DNAH7: variants seen among roughly 807,000 people sequenced by gnomAD.
The protein encoded by DNAH7 is dynein axonemal heavy chain 7.
In DNAH7, 397 loss-of-function variants were observed where a neutral mutation model predicts 444.6. The observed-to-expected ratio is 0.89, with a 90% CI of 0.82 to 0.97. The LOEUF (loss-of-function observed/expected upper bound fraction) is 0.97, where lower values mean the gene tolerates loss of function less well. Ranked by LOEUF, DNAH7 falls within the 50% of genes least tolerant of loss-of-function variation. The pLI is 0.00. For missense variants in DNAH7, 4,902 were observed against 4,800.8 expected, an observed-to-expected ratio of 1.02 and a Z score of -0.62; for synonymous variants, 1,636 against 1,624.4, an observed-to-expected ratio of 1.01 and a Z score of -0.17.
chr2:195,776,745 ACTT>A (rs1439306393), intron 59 of DNAH7, among the ~76,000 whole-genome samples: 1 of 152,194 alleles, frequency 6.6e-6, no homozygotes, highest in Non-Finnish European at 1.5e-5. Context: ...TTAACATTAT[ACTT>A]CTTTTTATGC....
chr2:195,872,608 T>G (rs185117699), intron 39 of DNAH7, 139 bp from the exon 40 acceptor site: 1 of 474,354 alleles, frequency 2.1e-6, no homozygotes, highest in African/African-American at 2.0e-5. Context: ...CCATATCTTA[T>G]TATAATAATA....
intron 63 of DNAH7, among the ~76,000 whole-genome samples, chr2:195,750,450 T>C (rs1395514958): frequency 6.6e-6 from 1 of 152,188 alleles, no homozygotes; most frequent in Non-Finnish European, 1.5e-5. Context: ...CCTCTGCGTA[T>C]TATAATAATA....
At chr2:195,874,393 A>G (rs1481590439) in intron 38 of DNAH7, among the ~76,000 whole-genome samples, 2 of 152,304 alleles carry the variant, frequency 1.3e-5, no homozygotes, top group Admixed American at 6.5e-5. Context: ...ACCCTTCCAG[A>G]GAATGTTCAG....
chr2:196,054,100 T>C (rs1458829965), intron 2 of DNAH7, among the ~76,000 whole-genome samples: 1 of 152,236 alleles, frequency 6.6e-6, no homozygotes, highest in Admixed American at 6.5e-5. Context: ...GAGCCACCAA[T>C]AGGTTCCAAA....
At chr2:195,874,872 G>T (rs1700955792) in intron 38 of DNAH7, among the ~76,000 whole-genome samples, 1 of 152,092 alleles carries the variant, frequency 6.6e-6, no homozygotes, top group African/African-American at 2.4e-5. Context: ...TGTGCTGAGA[G>T]CAATTACTGA....
chr2:195,753,411 C>T (rs898934), intron 63 of DNAH7, among the ~76,000 whole-genome samples: 105,843 of 152,012 alleles, frequency 0.7, 36,971 homozygotes, highest in Non-Finnish European at 0.73. Flanking sequence ...CACAGTAATG[C>T]GATTATCATA....
chr2:195,939,873 G>T (rs1574831401), intron 19 of DNAH7, among the ~76,000 whole-genome samples: 1 of 151,936 alleles, frequency 6.6e-6, no homozygotes, highest in Non-Finnish European at 1.5e-5. Flanking sequence ...AAATAAGAGA[G>T]AACACAAACA....
chr2:195,901,005 A>G (rs1686672908), intron 27 of DNAH7: 1 of 152,298 alleles, frequency 6.6e-6, no homozygotes, highest in Admixed American at 6.5e-5. Context: ...TAAAAAGACC[A>G]TTGTAAAGAT....
intron 24 of DNAH7, among the ~76,000 whole-genome samples, chr2:195,917,523 C>T (rs1424870056): frequency 6.6e-6 from 1 of 152,210 alleles, no homozygotes; most frequent in African/African-American, 2.4e-5. Flanking sequence ...GTCCACTTGG[C>T]CCTCTTCCAA....
chr2:196,068,523 T>C (rs1322164641), intron 1 of DNAH7, 174 bp downstream of exon 1: 10 of 814,234 alleles, frequency 1.2e-5, no homozygotes, highest in Middle Eastern at 2.3e-4. Context: ...AGGGAACTTA[T>C]AAGGGCATTC....
intron 30 of DNAH7, chr2:195,893,820 C>G (rs1301063235): frequency 1.3e-5 from 2 of 152,112 alleles, no homozygotes; most frequent in Non-Finnish European, 2.9e-5. Context: ...TACAAGTGGA[C>G]CAGAATACAT....
intron 47 of DNAH7, among the ~76,000 whole-genome samples, chr2:195,844,634 C>T (rs926060654): frequency 2.0e-5 from 3 of 152,132 alleles, no homozygotes; most frequent in African/African-American, 7.2e-5. Context: ...TTTGGAACAC[C>T]CTGCCCAATC....
chr2:195,931,939 G>GT, intron 21 of DNAH7, among the ~76,000 whole-genome samples: 1 of 152,268 alleles, frequency 6.6e-6, no homozygotes, highest in Admixed American at 6.5e-5. Context: ...CTTTAAAGTA[G>GT]TTTTTTCCAA....
intron 63 of DNAH7, among the ~76,000 whole-genome samples, chr2:195,744,294 G>A (rs1027917318): frequency 1.8e-4 from 28 of 152,230 alleles, no homozygotes; most frequent in African/African-American, 3.9e-4. Flanking sequence ...ACTGCAAGGC[G>A]GCAGTGAGGC....
intron 28 of DNAH7, among the ~76,000 whole-genome samples, chr2:195,900,025 A>G (rs1686602640): frequency 6.6e-6 from 1 of 152,196 alleles, no homozygotes; most frequent in African/African-American, 2.4e-5. Flanking sequence ...AACATTTCTC[A>G]GGAGTAAGCA....
At chr2:196,062,022 C>T (rs1698160785) in intron 1 of DNAH7, among the ~76,000 whole-genome samples, 2 of 152,166 alleles carry the variant, frequency 1.3e-5, no homozygotes, top group South Asian at 4.1e-4. Context: ...CTGTAACCTT[C>T]TCTTCCACTT....
intron 19 of DNAH7, among the ~76,000 whole-genome samples, chr2:195,948,632 T>C (rs1689992609): frequency 6.6e-6 from 1 of 152,210 alleles, no homozygotes; most frequent in African/African-American, 2.4e-5. Context: ...GAGGTCTCTG[T>C]TCTGTTCCAT....
rs547644971 is a variant in DNAH7, at chr2:196,054,346, C to T, written c.79-3097G>A. 7.2e-5 allele frequency among the ~76,000 whole-genome samples: 11 copies of T among 152,108 alleles called. No individual in the cohort carries two copies. In the East Asian group the frequency reaches 1.7e-3, roughly 24 times the overall value. ...GACCAGCCTGGGCAACATGGTGAAA[C>T]TCCATCTCTACCAAAACAGATACAC... On this transcript the variant is annotated intron_variant, in intron 2 of 64. Coordinates refer to ENST00000312428, the MANE Select transcript of DNAH7 (RefSeq NM_018897.3).
At chr2:195,777,668 T>C in intron 59 of DNAH7, 132 bp downstream of exon 59, 4 of 882,352 alleles carry the variant, frequency 4.5e-6, no homozygotes, top group Non-Finnish European at 6.8e-6. Context: ...TATCCCTATA[T>C]GACTGAAGAA....
Sources: gnomAD v4.1 joint callset for allele counts (sites outside exome capture counted in the v4.1 genomes callset) on GRCh38, gnomAD v4.1.1 for gene constraint, MANE v1.5 for transcripts, NCBI Gene and HGNC (gene_info 2026-07-23, HGNC 2026-07-21) for gene names.